Variants in ARHGAP12 observed in about 807,000 individuals in gnomAD.
ARHGAP12 encodes rho GTPase-activating protein 12.
A neutral mutation model predicts 108.6 loss-of-function variants in ARHGAP12; 64 were observed. That is an observed-to-expected ratio of 0.59 (90% CI 0.48 to 0.73). The LOEUF (loss-of-function observed/expected upper bound fraction) is 0.73. Among genes scored for constraint, ARHGAP12 ranks in the 30% least tolerant of loss-of-function variants. The pLI is 0.00. For missense variants in ARHGAP12, 940 were observed against 1,005.9 expected (o/e 0.93, Z 0.89); for synonymous variants, 312 against 337.2 (o/e 0.93, Z 0.82).
At chr10:31,846,529 G>A (rs931983333) in intron 6 of ARHGAP12, among the ~76,000 whole-genome samples, 1 of 152,304 alleles carries the variant, frequency 6.6e-6, no homozygotes, top group East Asian at 1.9e-4. Flanking sequence ...TTTGAAAAAT[G>A]TTATGCCACT....
intron 4 of ARHGAP12, among the ~76,000 whole-genome samples, chr10:31,860,851 CAG>C (rs1473175757): frequency 1.3e-5 from 2 of 152,122 alleles, no homozygotes; most frequent in Non-Finnish European, 2.9e-5. Context: ...GAGGCTGAGA[CAG>C]GGGGACTGCT....
intron 6 of ARHGAP12, among the ~76,000 whole-genome samples, chr10:31,848,335 C>T (rs1836540877): frequency 6.6e-6 from 1 of 152,164 alleles, no homozygotes; most frequent in African/African-American, 2.4e-5. Context: ...TCTGAAGACC[C>T]AGCAAAATTT....
intron 9 of ARHGAP12, among the ~76,000 whole-genome samples, chr10:31,836,767 AGAG>A (rs1374239391): frequency 6.6e-6 from 1 of 152,210 alleles, no homozygotes; most frequent in Non-Finnish European, 1.5e-5. Context: ...ATGCAAGCGC[AGAG>A]GAGGAACCAG....
chr10:31,826,073 G>C (rs1198413611), intron 11 of ARHGAP12, among the ~76,000 whole-genome samples: 1 of 152,146 alleles, frequency 6.6e-6, no homozygotes, highest in Non-Finnish European at 1.5e-5. Flanking sequence ...CTTTTCAGTT[G>C]AATGGATAAA....
rs565744387 is a variant in ARHGAP12, at chr10:31,808,555, G to A, written c.2366+94C>T. On this transcript the variant is annotated intron_variant, in intron 19 of 19. Coordinates refer to ENST00000344936, the MANE Select transcript of ARHGAP12 (RefSeq NM_018287.7). ...ACAAAGACAGCAAGTAGCATAGCTGGGATCCAAATCTGAGTCTGAGTGACC... is the reference window on the plus strand; with the variant it reads ...ACAAAGACAGCAAGTAGCATAGCTGAGATCCAAATCTGAGTCTGAGTGACC... The A allele has an allele frequency of 2.3e-4, 237 of 1,042,252 alleles. 1 individual carries two copies. The highest frequency in any genetic ancestry group is 2.0e-3 in the Admixed American group (90 of 44,242). 64.6% of individuals were successfully genotyped at this position (1,042,252 alleles called of 1,614,324 possible).
At chr10:31,845,185 T>C (rs1181591218) in intron 6 of ARHGAP12, among the ~76,000 whole-genome samples, 1 of 152,228 alleles carries the variant, frequency 6.6e-6, no homozygotes, top group Non-Finnish European at 1.5e-5. Flanking sequence ...CACTTTTTAC[T>C]AGACAAATGG....
At chr10:31,918,220 G>T (rs1383289259) in intron 1 of ARHGAP12, among the ~76,000 whole-genome samples, 2 of 151,856 alleles carry the variant, frequency 1.3e-5, no homozygotes, top group Non-Finnish European at 2.9e-5. Flanking sequence ...ATCAGTTTAT[G>T]AGAACATAAT....
chr10:31,918,574 G>T (rs1839661959), intron 1 of ARHGAP12, among the ~76,000 whole-genome samples: 1 of 152,156 alleles, frequency 6.6e-6, no homozygotes, highest in Admixed American at 6.5e-5. Flanking sequence ...AGGATTGGTG[G>T]CACATGCCTG....
chr10:31,883,485 T>A (rs932849148), intron 3 of ARHGAP12, among the ~76,000 whole-genome samples: 23 of 152,160 alleles, frequency 1.5e-4, no homozygotes, highest in African/African-American at 5.3e-4. Flanking sequence ...AGAACTAACA[T>A]AGTAGAGGTA....
At chr10:31,860,145 C>T (rs908436812) in intron 4 of ARHGAP12, among the ~76,000 whole-genome samples, 2 of 152,140 alleles carry the variant, frequency 1.3e-5, no homozygotes, top group Non-Finnish European at 2.9e-5. Flanking sequence ...ACTAAAAACA[C>T]AAATTATTAC....
intron 12 of ARHGAP12, 128 bp from the exon 13 acceptor site, chr10:31,818,014 G>T: frequency 1.5e-6 from 1 of 672,848 alleles, no homozygotes; most frequent in Non-Finnish European, 2.6e-6. Flanking sequence ...TAACAATGAT[G>T]CAAGGTTAAA....
chr10:31,810,554 T>G, intron 16 of ARHGAP12, 95 bp downstream of exon 16: 1 of 804,910 alleles, frequency 1.2e-6, no homozygotes, highest in Non-Finnish European at 2.0e-6. Context: ...TCTGTTTGCA[T>G]CACTCAAAAT....
At chr10:31,880,109 G>A (rs1454527862) in intron 3 of ARHGAP12, among the ~76,000 whole-genome samples, 2 of 152,138 alleles carry the variant, frequency 1.3e-5, no homozygotes, top group South Asian at 2.1e-4. Context: ...CATAGCTGGT[G>A]CTCAATAAAT....
chr10:31,881,797 CCA>C (rs1209341750), intron 3 of ARHGAP12, among the ~76,000 whole-genome samples: 11 of 151,908 alleles, frequency 7.2e-5, no homozygotes, highest in Admixed American at 5.9e-4. Context: ...ACTTTTGTTA[CCA>C]CAGTGTAAAA....
At chr10:31,871,510 C>T (rs78819133) in intron 3 of ARHGAP12, among the ~76,000 whole-genome samples, 2 of 152,266 alleles carry the variant, frequency 1.3e-5, no homozygotes, top group East Asian at 3.9e-4. Flanking sequence ...CCTGAACAGT[C>T]TCTTCACCCT....
At chr10:31,848,629 T>C (rs528186615) in intron 6 of ARHGAP12, among the ~76,000 whole-genome samples, 7 of 152,332 alleles carry the variant, frequency 4.6e-5, no homozygotes, top group South Asian at 2.1e-4. Context: ...AACTATGTTT[T>C]TTCATCTTGA....
intron 1 of ARHGAP12, among the ~76,000 whole-genome samples, chr10:31,927,857 G>A (rs1592399293): frequency 6.6e-6 from 1 of 152,330 alleles, no homozygotes; most frequent in South Asian, 2.1e-4. Flanking sequence ...GTAAAGGACA[G>A]CCGTTCTGAG....
Position 31,866,944 on chromosome 10 carries a change from TA to T in ARHGAP12, c.685-5287del, listed in dbSNP as rs1837349526. On this transcript the variant is annotated intron_variant, in intron 3 of 19. Coordinates refer to ENST00000344936, the MANE Select transcript of ARHGAP12 (RefSeq NM_018287.7). ...CCTAATTTTTAAAAATCAGGGAATC[TA>T]AAGTTGGATGGCATTCTTCAAAACC... Among the ~76,000 whole-genome samples the T allele has an allele frequency of 2.0e-5, 3 of 152,110 alleles. No homozygotes were observed. In the East Asian group the frequency reaches 5.8e-4, roughly 29 times the overall value.
In ARHGAP12 at chr10:31,834,335, T is replaced by C. The variant is rs1411436454; in HGVS notation, c.1387-2535A>G. Among the ~76,000 whole-genome samples the C allele has an allele frequency of 7.9e-5, 12 of 152,278 alleles. No homozygotes were observed. In the East Asian group the frequency reaches 2.3e-3, roughly 29 times the overall value. On this transcript the variant is annotated intron_variant, in intron 9 of 19. Coordinates refer to ENST00000344936, the MANE Select transcript of ARHGAP12 (RefSeq NM_018287.7). ...GGGCCTTTGGGAGATGATCAGGTCA[T>C]GAAGGTGAAGCCCACATGAATCTAA... is the stretch of plus-strand genomic sequence containing the variant.
Sources: gnomAD v4.1 joint callset for allele counts (sites outside exome capture counted in the v4.1 genomes callset) on GRCh38, gnomAD v4.1.1 for gene constraint, MANE v1.5 for transcripts, NCBI Gene and HGNC (gene_info 2026-07-23, HGNC 2026-07-21) for gene names.